CENPI: variants seen among roughly 807,000 people sequenced by gnomAD.
The protein encoded by CENPI is FSH primary response 1.
In CENPI, 4 loss-of-function variants were observed where a neutral mutation model predicts 60.4. The ratio of observed to expected loss-of-function variants is 0.07; its 90% CI spans 0.03 to 0.15. The LOEUF (loss-of-function observed/expected upper bound fraction) is 0.15. Among genes scored for constraint, CENPI ranks in the 10% least tolerant of loss-of-function variants. The probability of loss-of-function intolerance (pLI) is 1.00; values close to 1 mark genes in which losing one functional copy is unlikely to be tolerated. For synonymous variants in CENPI, 157 were observed against 189.4 expected, an observed-to-expected ratio of 0.83 and a Z score of 1.40; for missense variants, 444 against 534.5, an observed-to-expected ratio of 0.83 and a Z score of 1.67.
intron 18 of CENPI, among the ~76,000 whole-genome samples, chrX:101,146,983 A>C (rs1345370662): frequency 9.0e-6 from 1 of 110,801 alleles, no homozygotes; most frequent in African/African-American, 3.3e-5. Context: ...TAATCCACCC[A>C]CCTCGGCCTC....
intron 6 of CENPI, among the ~76,000 whole-genome samples, chrX:101,116,826 A>C (rs1367938012): frequency 3.6e-5 from 4 of 111,799 alleles, no homozygotes; most frequent in Admixed American, 2.9e-4. Flanking sequence ...TTCAAATTTC[A>C]TCACATCCTC....
intron 6 of CENPI, among the ~76,000 whole-genome samples, chrX:101,110,792 G>A (rs1379600343): frequency 8.9e-6 from 1 of 111,945 alleles, no homozygotes; most frequent in African/African-American, 3.2e-5. Flanking sequence ...GTATATGATA[G>A]TTTGAGGATA....
intron 20 of CENPI, among the ~76,000 whole-genome samples, chrX:101,158,321 A>G (rs111607044): frequency 0.21 from 17,622 of 85,762 alleles, 1,566 homozygotes; most frequent in South Asian, 0.33. Context: ...CTTGTTGCCC[A>G]GGCTGGAGTG....
intron 16 of CENPI, among the ~76,000 whole-genome samples, chrX:101,142,372 T>C (rs918653473): frequency 1.2e-4 from 13 of 112,285 alleles, no homozygotes; most frequent in African/African-American, 4.2e-4. Context: ...GCCATATCAA[T>C]ATTTGGCATT....
At chrX:101,175,276 A>G in the CENPI span, among the ~76,000 whole-genome samples, 1 of 112,120 alleles carries the variant, frequency 8.9e-6, no homozygotes, top group Non-Finnish European at 1.9e-5. Context: ...TTATTGCTTT[A>G]CTCTGTTGAT....
intron 12 of CENPI, among the ~76,000 whole-genome samples, chrX:101,129,779 C>A (rs2089775936): frequency 8.9e-6 from 1 of 111,929 alleles, no homozygotes; most frequent in Admixed American, 9.5e-5. Flanking sequence ...ACACTATAAG[C>A]TTTTCCCTAT....
intron 20 of CENPI, among the ~76,000 whole-genome samples, chrX:101,159,344 A>G (rs1318976824): frequency 9.4e-6 from 1 of 106,204 alleles, no homozygotes; most frequent in Non-Finnish European, 1.9e-5. Flanking sequence ...TGTATTTTTT[A>G]GTAGAGAGGG....
chrX:101,153,699 T>C (rs2090027991), intron 20 of CENPI, among the ~76,000 whole-genome samples: 2 of 112,331 alleles, frequency 1.8e-5, no homozygotes, highest in African/African-American at 3.2e-5. Flanking sequence ...AAAAGTTTTC[T>C]CCAATTTTGT....
intron 20 of CENPI, among the ~76,000 whole-genome samples, chrX:101,159,009 G>A (rs1312625199): frequency 9.0e-6 from 1 of 111,442 alleles, no homozygotes; most frequent in Non-Finnish European, 1.9e-5. Context: ...CACCAATTAG[G>A]TGGCTACTGC....
At chrX:101,128,122 G>A (rs1204020334) in intron 11 of CENPI, among the ~76,000 whole-genome samples, 1 of 111,070 alleles carries the variant, frequency 9.0e-6, no homozygotes, top group African/African-American at 3.3e-5. Context: ...ATCACCTGAG[G>A]TTGGGAGTTC....
At chrX:101,181,399 G>C in the CENPI span, among the ~76,000 whole-genome samples, 3 of 112,252 alleles carry the variant, frequency 2.7e-5, no homozygotes, top group African/African-American at 9.7e-5. Flanking sequence ...ACTTTGGAAA[G>C]TACTGACTTA....
chrX:101,162,486 AT>A (rs2090119886), intron 21 of CENPI, among the ~76,000 whole-genome samples: 2 of 101,678 alleles, frequency 2.0e-5, no homozygotes, highest in African/African-American at 7.3e-5. Flanking sequence ...ATATATATAT[AT>A]ATATAATTAT....
chrX:101,102,668 G>A (rs2089434810), intron 4 of CENPI, among the ~76,000 whole-genome samples: 1 of 104,518 alleles, frequency 9.6e-6, no homozygotes, highest in South Asian at 4.4e-4. Context: ...GCTCGAGGGG[G>A]ATGTTGTTTT....
At chrX:101,156,466 CAATT>C (rs923577567) in intron 20 of CENPI, among the ~76,000 whole-genome samples, 1 of 111,632 alleles carries the variant, frequency 9.0e-6, no homozygotes, top group African/African-American at 3.3e-5. Flanking sequence ...AAATAATTAA[CAATT>C]ATTTATTTAT....
At chrX:101,174,473 A>ATAC in the CENPI span, among the ~76,000 whole-genome samples, 1 of 112,290 alleles carries the variant, frequency 8.9e-6, no homozygotes, top group Non-Finnish European at 1.9e-5. Context: ...ATGCCATAGA[A>ATAC]TACTACATAG....
intron 4 of CENPI, among the ~76,000 whole-genome samples, chrX:101,106,938 G>A (rs1363196730): frequency 1.9e-5 from 2 of 108,004 alleles, no homozygotes; most frequent in Non-Finnish European, 3.8e-5. Context: ...GCACGTGCCT[G>A]TAGTCCCAGC....
chrX:101,112,384 T>C (rs1406490198), intron 6 of CENPI, among the ~76,000 whole-genome samples: 1 of 111,957 alleles, frequency 8.9e-6, no homozygotes, highest in Non-Finnish European at 1.9e-5. Context: ...TGTTCTAAAT[T>C]CATACATGGA....
chrX:101,145,018 A>G (rs2089950709), intron 16 of CENPI, 46 bp from the exon 17 acceptor site: 23 of 1,058,898 alleles, frequency 2.2e-5, no homozygotes, highest in Admixed American at 5.9e-5. Flanking sequence ...GAAATTGTGA[A>G]CACTATTGCT....
At chrX:101,167,264 G>C (rs2090146820), downstream of CENPI, among the ~76,000 whole-genome samples, 1 of 111,700 alleles carries the variant, frequency 9.0e-6, no homozygotes, top group South Asian at 3.7e-4. Flanking sequence ...TGGACAAAAT[G>C]CAAAAAGTAT....
Sources: allele counts gnomAD v4.1 joint callset (sites outside exome capture counted in the v4.1 genomes callset), GRCh38; gene constraint gnomAD v4.1.1; transcripts MANE v1.5; gene names NCBI Gene and HGNC (gene_info 2026-07-23, HGNC 2026-07-21).